PCDHGB7: variants seen among roughly 807,000 people sequenced by gnomAD.
PCDHGB7 encodes the protein protocadherin gamma-B7.
Under a neutral mutation model 61.4 loss-of-function variants are expected in PCDHGB7, and 37 were observed. The ratio of observed to expected loss-of-function variants is 0.60; its 90% confidence interval spans 0.46 to 0.79. PCDHGB7 has a LOEUF of 0.79. Among genes scored for constraint, PCDHGB7 ranks in the 30% least tolerant of loss-of-function variants. PCDHGB7 has a pLI of 0.00. For synonymous variants in PCDHGB7, 464 were observed against 503.5 expected (o/e 0.92, Z 1.05); for missense variants, 1,166 against 1,202.5 (o/e 0.97, Z 0.45).
chr5:141,454,101 A>T (rs2098781558), intron 1 of PCDHGB7, among the ~76,000 whole-genome samples: 1 of 152,256 alleles, frequency 6.6e-6, no homozygotes. Flanking sequence ...ATTGAACATA[A>T]ATGGAGTTAT....
Position 141,489,398 on chromosome 5 carries a change from G to A in PCDHGB7, c.2416-5409G>A, listed in dbSNP as rs2099686644. On this transcript the variant is annotated intron_variant, in intron 1 of 3. Transcript: ENST00000398594. This position sits in a 1 kb window ranked among gnomAD's most constrained non-coding sequence, Gnocchi z 4.5. The stretch of plus-strand genomic sequence containing the variant: ...GTGGGGAATGTTGCTCAGGATCTGG[G>A]CTTAAAGATGACAGATCTGTTGAGC... 6.2e-7 allele frequency: 1 copy of A among 1,614,064 alleles called. No homozygotes were observed. The highest frequency in any genetic ancestry group is 1.3e-5 in the African/African-American group (1 of 74,910).
chr5:141,487,533 T>C lies in PCDHGB7; in HGVS notation c.2416-7274T>C. On this transcript the variant is annotated intron_variant, in intron 1 of 3. Coordinates refer to ENST00000398594, the MANE Select transcript of PCDHGB7 (RefSeq NM_018927.4). This position sits in a 1 kb window ranked among gnomAD's most constrained non-coding sequence, Gnocchi z 5.0. The stretch of plus-strand genomic sequence containing the variant: ...CCCACTCGGAGTGATAGCTTCATGA[T>C]GGTGAAGTCACCCAGTGCACCTATG... 6.2e-7 allele frequency: 1 copy of C among 1,614,186 alleles called. No individual in the cohort carries two copies. Among genetic ancestry groups the C allele is most frequent in the South Asian group, 1.1e-5 (1 of 91,080 alleles).
At chr5:141,505,563 T>C in intron 3 of PCDHGB7, 82 bp downstream of exon 3, 1 of 1,603,814 alleles carries the variant, frequency 6.2e-7, no homozygotes, top group Non-Finnish European at 8.5e-7. Flanking sequence ...GCCCACGGAC[T>C]GGATGTCAAA....
At chr5:141,423,395 C>G (rs1249200485) in intron 1 of PCDHGB7, 1 of 1,614,060 alleles carries the variant, frequency 6.2e-7, no homozygotes, top group Non-Finnish European at 8.5e-7. Context: ...TGGCATAAGT[C>G]ACGCCTGCTG....
chr5:141,491,709 C>T lies in PCDHGB7; in HGVS notation c.2416-3098C>T, dbSNP rs2099725685. On this transcript the variant is annotated intron_variant, in intron 1 of 3. Coordinates refer to ENST00000398594, the MANE Select transcript of PCDHGB7 (RefSeq NM_018927.4). The surrounding 1 kb of genome is among the most constrained non-coding windows in gnomAD (Gnocchi z 6.9). The stretch of plus-strand genomic sequence containing the variant: ...TGCGGGAGCGGAGCCAGGTGAGGGG[C>T]TCGGCGCCGCCCCGGGCGACCCCTG... 6.2e-7 allele frequency: 1 copy of T among 1,610,156 alleles called. No homozygotes were observed. Among genetic ancestry groups the T allele is most frequent in the Non-Finnish European group, 8.5e-7 (1 of 1,178,376 alleles).
At chr5:141,466,213 C>G (rs2099118871) in intron 1 of PCDHGB7, among the ~76,000 whole-genome samples, 1 of 151,958 alleles carries the variant, frequency 6.6e-6, no homozygotes, top group South Asian at 2.1e-4. Flanking sequence ...CTCTGTTACC[C>G]AGGCTGGAGT....
chr5:141,427,481 C>G, intron 1 of PCDHGB7: 2 of 534,060 alleles, frequency 3.7e-6, no homozygotes, highest in Non-Finnish European at 7.2e-6. Flanking sequence ...CCAATAATGA[C>G]TATAAGCTTG....
rs377653202 is a variant in PCDHGB7, at chr5:141,418,513, G to T, written c.654G>T (p.Gly218=). The T allele has an allele frequency of 1.1e-4, 173 of 1,613,842 alleles. No individual in the cohort carries two copies. The highest frequency in any genetic ancestry group is 1.2e-4 in the Non-Finnish European group (147 of 1,179,890). The stretch of plus-strand genomic sequence containing the variant: ...TGGTACTGACCGCCTTAGATGGTGG[G>T]GACCCTCCCCGAAGCGGTACTGCTC... The part of the protein sequence containing the change: ...HHLVLTALDG[G]DPPRSGTAQI... The change falls in exon 1 of 4, where the codon GGG becomes GGT. Residue 218 remains glycine (G), a synonymous_variant. Coordinates refer to ENST00000398594, the MANE Select transcript of PCDHGB7 (RefSeq NM_018927.4).
chr5:141,460,649 A>G (rs1171722531), intron 1 of PCDHGB7, among the ~76,000 whole-genome samples: 2 of 152,152 alleles, frequency 1.3e-5, no homozygotes, highest in Non-Finnish European at 2.9e-5. Flanking sequence ...GTGTTTACAC[A>G]TATGTAACTG....
rs1226194073 is a variant in PCDHGB7, at chr5:141,490,496, A to G, written c.2416-4311A>G. The G allele has an allele frequency of 6.2e-7, 1 of 1,614,096 alleles. No individual in the cohort carries two copies. Among genetic ancestry groups the G allele is most frequent in the East Asian group, 2.2e-5 (1 of 44,894 alleles). On this transcript the variant is annotated intron_variant, in intron 1 of 3. Coordinates refer to ENST00000398594, the MANE Select transcript of PCDHGB7 (RefSeq NM_018927.4). The surrounding 1 kb of genome is among the most constrained non-coding windows in gnomAD (Gnocchi z 5.4). ...CCTTTGGACCGGGAGGCCACATCCCACTATATCATCGAGCTGCTGGCCAGC... is the reference window on the plus strand; with the variant it reads ...CCTTTGGACCGGGAGGCCACATCCCGCTATATCATCGAGCTGCTGGCCAGC...
chr5:141,445,708 G>A (rs2098475030), intron 1 of PCDHGB7, among the ~76,000 whole-genome samples: 1 of 152,168 alleles, frequency 6.6e-6, no homozygotes, highest in African/African-American at 2.4e-5. Flanking sequence ...AAATTGTCAG[G>A]CAGAGGAAAT....
chr5:141,489,225 A>G lies in PCDHGB7; in HGVS notation c.2416-5582A>G. 3 of 1,518,230 alleles carry G rather than the reference A, an allele frequency of 2.0e-6. No individual in the cohort carries two copies. Among genetic ancestry groups the G allele is most frequent in the East Asian group, 2.3e-5 (1 of 44,234 alleles). 94.0% of individuals were successfully genotyped at this position (1,518,230 alleles called of 1,614,324 possible). On this transcript the variant is annotated intron_variant, in intron 1 of 3. Coordinates refer to ENST00000398594, the MANE Select transcript of PCDHGB7 (RefSeq NM_018927.4). The surrounding 1 kb of genome is among the most constrained non-coding windows in gnomAD (Gnocchi z 4.5). ...GGACAGCACAGACTTACTCTCCACA[A>G]AGGGACTTCTGGGTCATGGGGCCCA...
Position 141,491,034 on chromosome 5 carries a change from T to C in PCDHGB7, c.2416-3773T>C, listed in dbSNP as rs375902824. On this transcript the variant is annotated intron_variant, in intron 1 of 3. Coordinates refer to ENST00000398594, the MANE Select transcript of PCDHGB7 (RefSeq NM_018927.4). The surrounding 1 kb of genome is among the most constrained non-coding windows in gnomAD (Gnocchi z 6.9). The stretch of plus-strand genomic sequence containing the variant: ...CCAAGGTGACAGCCGTGGATGCTGA[T>C]GCAGGCCACAATGCGTGGCTCTCCT... 19 of 1,614,170 alleles carry C rather than the reference T, an allele frequency of 1.2e-5. No homozygotes were observed. Among genetic ancestry groups the C allele is most frequent in the East Asian group, 4.5e-5 (2 of 44,894 alleles).
intron 1 of PCDHGB7, chr5:141,492,070 GCCGGCT>G (rs1329848558): frequency 2.1e-6 from 1 of 477,826 alleles, no homozygotes; most frequent in Non-Finnish European, 3.7e-6. Context: ...CCTCCTAGGC[GCCGGCT>G]CCGGCACGCT....
At chr5:141,453,287 A>ATTT (rs2098760771) in intron 1 of PCDHGB7, among the ~76,000 whole-genome samples, 3 of 151,368 alleles carry the variant, frequency 2.0e-5, no homozygotes, top group African/African-American at 7.3e-5. Flanking sequence ...CTAATTTTTT[A>ATTT]ATTATTTATT....
chr5:141,422,838 C>T (rs201218542), intron 1 of PCDHGB7: 182 of 1,614,252 alleles, frequency 1.1e-4, no homozygotes, highest in Middle Eastern at 1.6e-4. Context: ...TAGCACGTGA[C>T]AGCGGGGACC....
Position 141,486,046 on chromosome 5 carries a change from C to G in PCDHGB7, c.2416-8761C>G. 1.2e-6 allele frequency: 2 copies of G among 1,614,170 alleles called. No individual in the cohort carries two copies. Among genetic ancestry groups the G allele is most frequent in the Non-Finnish European group, 1.7e-6 (2 of 1,180,036 alleles). The stretch of plus-strand genomic sequence containing the variant: ...GTCATACCCCTGATCGTGTAAGAAA[C>G]CTCTTTAGCCTGCACCCCACTACTG... On this transcript the variant is annotated intron_variant, in intron 1 of 3. Coordinates refer to ENST00000398594, the MANE Select transcript of PCDHGB7 (RefSeq NM_018927.4). This position sits in a 1 kb window ranked among gnomAD's most constrained non-coding sequence, Gnocchi z 5.0.
intron 1 of PCDHGB7, among the ~76,000 whole-genome samples, chr5:141,437,434 G>T (rs183505868): frequency 2.6e-5 from 4 of 152,194 alleles, no homozygotes; most frequent in East Asian, 3.8e-4. Context: ...AGCAGCAATA[G>T]CATAGGAATG....
At chr5:141,502,925 C>T (rs962871271) in intron 2 of PCDHGB7, among the ~76,000 whole-genome samples, 5 of 145,518 alleles carry the variant, frequency 3.4e-5, no homozygotes, top group Non-Finnish European at 5.9e-5. Flanking sequence ...GCAGTGGCAA[C>T]CTTCACCTCC....
Sources: gnomAD v4.1 joint callset for allele counts (sites outside exome capture counted in the v4.1 genomes callset) on GRCh38, gnomAD v4.1.1 for gene constraint, Gnocchi (gnomAD v3.1) non-coding constraint, MANE v1.5 for transcripts, NCBI Gene and HGNC (gene_info 2026-07-23, HGNC 2026-07-21) for gene names.